The following ABLIM1 variants were observed in gnomAD, a reference collection of about 807,000 sequenced individuals.
ABLIM1 encodes actin binding LIM protein 1.
A neutral mutation model predicts 107.0 loss-of-function variants in ABLIM1; 40 were observed. The ratio of observed to expected loss-of-function variants is 0.37; its 90% CI spans 0.29 to 0.49. The LOEUF (loss-of-function observed/expected upper bound fraction) is 0.49, where lower values mean the gene tolerates loss of function less well. Among genes scored for constraint, ABLIM1 ranks in the 20% least tolerant of loss-of-function variants. The probability of loss-of-function intolerance (pLI) is 0.97; values close to 1 mark genes in which losing one functional copy is unlikely to be tolerated. For missense variants in ABLIM1, 857 were observed against 1,008.5 expected, an observed-to-expected ratio of 0.85 and a Z score of 2.04; for synonymous variants, 357 against 357.3, an observed-to-expected ratio of 1.00 and a Z score of 0.01.
chr10:114,677,089 C>G (rs953243183), intron 1 of ABLIM1, among the ~76,000 whole-genome samples: 2 of 152,134 alleles, frequency 1.3e-5, no homozygotes, highest in Non-Finnish European at 2.9e-5. Context: ...GCCTGGTTCC[C>G]TCCCTCTGGG....
At chr10:114,662,495 C>A (rs1376486341), upstream of ABLIM1, among the ~76,000 whole-genome samples, 4 of 152,098 alleles carry the variant, frequency 2.6e-5, no homozygotes, top group Non-Finnish European at 4.4e-5. Flanking sequence ...CATGGTCAGC[C>A]CTGGGCATCT....
At chr10:114,778,376 C>CA in the ABLIM1 span, 1 of 152,134 alleles carries the variant, frequency 6.6e-6, no homozygotes, top group African/African-American at 2.4e-5. Flanking sequence ...AAAACAACAA[C>CA]AAAAAATCTC....
chr10:114,599,351 G>A (rs1167102390), intron 2 of ABLIM1, among the ~76,000 whole-genome samples: 1 of 152,080 alleles, frequency 6.6e-6, no homozygotes, highest in Non-Finnish European at 1.5e-5. Flanking sequence ...TAAACTAAAA[G>A]AGAAAAAAAG....
In ABLIM1 at chr10:114,435,132, G is replaced by T. The variant is rs2059243833; in HGVS notation, c.*1128C>A. On this transcript the variant is annotated 3_prime_UTR_variant, in exon 23 of 23. Transcript: ENST00000533213. Reference sequence around the variant, plus strand: ...TGAATTCGACAGAGCTGGGCAAGAAGAAAGCTGAAAAGGCCAAATTAAATA... The same window carrying T: ...TGAATTCGACAGAGCTGGGCAAGAATAAAGCTGAAAAGGCCAAATTAAATA... 6.6e-6 allele frequency: 1 copy of T among 152,230 alleles called. No homozygotes were observed. The highest frequency in any genetic ancestry group is 2.4e-5 in the African/African-American group (1 of 41,454). 9.4% of individuals were successfully genotyped at this position (152,230 alleles called of 1,614,324 possible). A position where few individuals can be genotyped will look rare whatever the true frequency, so the allele number is the denominator to read the frequency against.
chr10:114,732,245 G>A (rs1378802242), intron 1 of ABLIM1, among the ~76,000 whole-genome samples: 6 of 138,860 alleles, frequency 4.3e-5, no homozygotes, highest in Non-Finnish European at 6.2e-5. Context: ...GTGCAGTGGC[G>A]CCACCTCGGC....
At chr10:114,684,295 T>C (rs1360625122) in exon 1 of ABLIM1, 2 of 1,613,916 alleles carry the variant, frequency 1.2e-6, no homozygotes, top group South Asian at 1.1e-5. Context: ...CTAACCTTTG[T>C]AGTCTCCCAT....
intron 6 of ABLIM1, among the ~76,000 whole-genome samples, chr10:114,512,912 GAAAGAGA>G (rs1407280733): frequency 3.6e-4 from 51 of 140,554 alleles, no homozygotes; most frequent in Admixed American, 8.3e-4. Flanking sequence ...AGGAAGGAAA[GAAAGAGA>G]GAAAGAAAGA....
At chr10:114,743,781 T>C (rs1004632239) in intron 1 of ABLIM1, among the ~76,000 whole-genome samples, 2 of 152,148 alleles carry the variant, frequency 1.3e-5, no homozygotes, top group Non-Finnish European at 2.9e-5. Flanking sequence ...TAAGGGTTGA[T>C]ATGCAGGGGA....
chr10:114,526,738 G>C (rs2064825727), intron 6 of ABLIM1: 2 of 985,482 alleles, frequency 2.0e-6, no homozygotes, highest in Non-Finnish European at 2.4e-6. Flanking sequence ...TTCAAGTTCA[G>C]AACACGGCCA....
chr10:114,521,217 T>C (rs2063680442), intron 6 of ABLIM1, among the ~76,000 whole-genome samples: 1 of 152,210 alleles, frequency 6.6e-6, no homozygotes, highest in Admixed American at 6.5e-5. Flanking sequence ...AAAGAAAGGC[T>C]GTATAATCTG....
chr10:114,524,531 AAACT>A (rs1346474129), intron 6 of ABLIM1, among the ~76,000 whole-genome samples: 2 of 152,226 alleles, frequency 1.3e-5, no homozygotes, highest in African/African-American at 4.8e-5. Context: ...GAAGAAAAAA[AAACT>A]AACAGGCATG....
chr10:114,496,063 G>T (rs1484715236), intron 6 of ABLIM1, among the ~76,000 whole-genome samples: 3 of 152,190 alleles, frequency 2.0e-5, no homozygotes, highest in Admixed American at 2.0e-4. Flanking sequence ...ACAGTCCCAA[G>T]GTCATTCACA....
rs757625441 is a variant in ABLIM1, at chr10:114,447,895, A to AG, written c.1719dup (p.Ser574LeufsTer8). 3 of 1,613,884 alleles carry AG rather than the reference A, an allele frequency of 1.9e-6. No homozygotes were observed. Among genetic ancestry groups the AG allele is most frequent in the African/African-American group, 2.7e-5 (2 of 74,878 alleles). ...AGTTGCATACCTACGACAGCAAATG[A>AG]GGGGGGACCAGGCCAGTGGTCCGTC... On this transcript the variant is annotated frameshift_variant, in exon 15 of 23. Coordinates refer to ENST00000533213, the MANE Select transcript of ABLIM1 (RefSeq NM_002313.7). LOFTEE classifies it high-confidence loss of function.
chr10:114,468,684 G>A (rs1590044419), intron 10 of ABLIM1, among the ~76,000 whole-genome samples: 4 of 152,206 alleles, frequency 2.6e-5, no homozygotes, highest in African/African-American at 7.2e-5. Flanking sequence ...AGGTACAAAT[G>A]CATCTGCCAT....
intron 2 of ABLIM1, among the ~76,000 whole-genome samples, chr10:114,586,969 A>G (rs1479382089): frequency 6.6e-6 from 1 of 152,216 alleles, no homozygotes; most frequent in African/African-American, 2.4e-5. Flanking sequence ...TGTATCTTCA[A>G]CTGCCTACCC....
At chr10:114,791,637 CA>C in the ABLIM1 span, among the ~76,000 whole-genome samples, 9 of 133,628 alleles carry the variant, frequency 6.7e-5, no homozygotes, top group Middle Eastern at 3.9e-3. Flanking sequence ...GATTCCGTCT[CA>C]AAAAAAAAAA....
intron 14 of ABLIM1, among the ~76,000 whole-genome samples, chr10:114,449,719 G>T (rs1197225998): frequency 6.6e-6 from 1 of 152,206 alleles, no homozygotes; most frequent in African/African-American, 2.4e-5. Context: ...TAGCATATAA[G>T]AAGTTCTCAG....
intron 1 of ABLIM1, among the ~76,000 whole-genome samples, chr10:114,706,597 G>A (rs944611679): frequency 1.3e-5 from 2 of 152,170 alleles, no homozygotes; most frequent in Non-Finnish European, 2.9e-5. Flanking sequence ...AAGGAGGAGA[G>A]AGAACCACAT....
chr10:114,473,207 T>C (rs2066925696), intron 9 of ABLIM1, 75 bp from the exon 10 acceptor site: 4 of 1,455,022 alleles, frequency 2.7e-6, no homozygotes, highest in Non-Finnish European at 2.8e-6. Context: ...GCGCATTTCC[T>C]GTTGTTTAAA....
Sources: gnomAD v4.1 joint callset for allele counts (sites outside exome capture counted in the v4.1 genomes callset) on GRCh38, gnomAD v4.1.1 for gene constraint, MANE v1.5 for transcripts, NCBI Gene and HGNC (gene_info 2026-07-23, HGNC 2026-07-21) for gene names.